Variants in CLMN observed in about 807,000 individuals in gnomAD.
The protein encoded by CLMN is calmin (calponin-like, transmembrane).
A neutral mutation model predicts 92.7 loss-of-function variants in CLMN; 57 were observed. That is an observed-to-expected ratio of 0.61 (90% CI 0.50 to 0.77). The LOEUF (loss-of-function observed/expected upper bound fraction) is 0.77. Ranked by LOEUF, CLMN falls within the 30% of genes least tolerant of loss-of-function variation. The pLI, the probability that CLMN is intolerant of heterozygous loss-of-function variation, is 0.00. For missense variants in CLMN, 1,158 were observed against 1,237.5 expected, an observed-to-expected ratio of 0.94 and a Z score of 0.96; for synonymous variants, 466 against 470.6, an observed-to-expected ratio of 0.99 and a Z score of 0.13.
At chr14:95,255,278 C>G (rs531052348) in intron 1 of CLMN, among the ~76,000 whole-genome samples, 128 of 152,278 alleles carry the variant, frequency 8.4e-4, no homozygotes, top group Non-Finnish European at 1.6e-3. Flanking sequence ...GTAGTTCCCC[C>G]CATCTGCAGT....
intron 1 of CLMN, among the ~76,000 whole-genome samples, chr14:95,273,347 C>G (rs953217645): frequency 6.6e-6 from 1 of 152,204 alleles, no homozygotes; most frequent in African/African-American, 2.4e-5. Flanking sequence ...CGCCCCACTC[C>G]AGAGGCCACA....
At chr14:95,258,637 G>GGT (rs1899115122) in intron 1 of CLMN, among the ~76,000 whole-genome samples, 1 of 149,196 alleles carries the variant, frequency 6.7e-6, no homozygotes, top group Non-Finnish European at 1.5e-5. Context: ...TGTGGTGTGT[G>GGT]GTGTGTGTGT....
chr14:95,298,918 T>G (rs916149950), intron 1 of CLMN, among the ~76,000 whole-genome samples: 1 of 152,178 alleles, frequency 6.6e-6, no homozygotes, highest in African/African-American at 2.4e-5. Flanking sequence ...TTGCAAGCAA[T>G]ATTTTACAAG....
chr14:95,270,975 G>C (rs764042555), intron 1 of CLMN, among the ~76,000 whole-genome samples: 22 of 152,178 alleles, frequency 1.4e-4, no homozygotes, highest in Non-Finnish European at 2.8e-4. Flanking sequence ...GAGAACACTT[G>C]TAATGGTCTC....
intron 1 of CLMN, among the ~76,000 whole-genome samples, chr14:95,247,070 A>T (rs931389779): frequency 2.6e-5 from 4 of 152,084 alleles, no homozygotes; most frequent in Admixed American, 6.5e-5. Context: ...GGCCAGAACC[A>T]TGACAGCCTG....
Position 95,204,520 on chromosome 14 carries a change from A to G in CLMN, c.886-57T>C. 6 of 1,439,146 alleles carry G rather than the reference A, an allele frequency of 4.2e-6. No individual in the cohort carries two copies. In the South Asian group the frequency reaches 8.5e-5, roughly 20 times the overall value. 89.1% of individuals were successfully genotyped at this position (1,439,146 alleles called of 1,614,324 possible). A position where few individuals can be genotyped will look rare whatever the true frequency, so the allele number is the denominator to read the frequency against. ...AAAAAACAAAAGAACAACAACAAAA[A>G]AAAGCACAGAGCAACATGAGTAAGA... On this transcript the variant is annotated intron_variant, in intron 8 of 12. Coordinates refer to ENST00000298912, the MANE Select transcript of CLMN (RefSeq NM_024734.4).
intron 1 of CLMN, among the ~76,000 whole-genome samples, chr14:95,245,746 G>A (rs1358914296): frequency 6.6e-6 from 1 of 151,354 alleles, no homozygotes; most frequent in South Asian, 2.1e-4. Flanking sequence ...ATGGATGGGT[G>A]GATGGATGGA....
chr14:95,212,054 T>C (rs1897214960), intron 6 of CLMN, among the ~76,000 whole-genome samples: 1 of 152,166 alleles, frequency 6.6e-6, no homozygotes, highest in Non-Finnish European at 1.5e-5. Context: ...CATTTAATGG[T>C]GGTTCACATT....
At position 95,204,079 on chromosome 14, in the gene CLMN, T is replaced by C. The variant is rs773171826; in HGVS notation, c.1270A>G (p.Lys424Glu). The change falls in exon 9 of 13, where the codon AAA becomes GAA. Residue 424 changes from lysine to glutamate, a missense_variant. By Grantham distance (56) the Lys-to-Glu change is moderately conservative. Coordinates refer to ENST00000298912, the MANE Select transcript of CLMN (RefSeq NM_024734.4). ...NGRSNSLPIK[K>E]TVHFEADTYK... is the part of the protein sequence containing the mutation. ...GTGTCAGCCTCAAAGTGAACTGTTT[T>C]CTTGATCGGCAAAGAGTTGGACCTC... 7.2e-5 allele frequency: 117 copies of C among 1,614,088 alleles called. No individual in the cohort carries two copies. Among genetic ancestry groups the C allele is most frequent in the Non-Finnish European group, 9.8e-5 (116 of 1,180,046 alleles).
intron 1 of CLMN, among the ~76,000 whole-genome samples, chr14:95,270,075 G>C (rs1288599472): frequency 1.3e-5 from 2 of 152,226 alleles, no homozygotes; most frequent in African/African-American, 4.8e-5. Context: ...GCCAGGGTCA[G>C]ACAGCCAGGG....
chr14:95,262,059 G>A (rs1232801337), intron 1 of CLMN, among the ~76,000 whole-genome samples: 3 of 152,234 alleles, frequency 2.0e-5, no homozygotes, highest in Admixed American at 6.5e-5. Flanking sequence ...CAGCGTCCAC[G>A]CCTGTATTCC....
intron 1 of CLMN, among the ~76,000 whole-genome samples, chr14:95,306,142 G>T (rs1412286126): frequency 6.6e-6 from 1 of 152,124 alleles, no homozygotes; most frequent in African/African-American, 2.4e-5. Flanking sequence ...GGCAGTCCAG[G>T]TGACAGCTGG....
At position 95,215,781 on chromosome 14, in the gene CLMN, T is replaced by C. The variant is rs754661605; in HGVS notation, c.325-48A>G. The C allele has an allele frequency of 7.3e-6, 10 of 1,361,948 alleles. No homozygotes were observed. The African/African-American group carries it at 1.0e-4, about 14-fold the overall frequency. The allele number at this position is 1,361,948 out of a possible 1,614,324, so 84.4% of individuals were successfully genotyped here. A position where few individuals can be genotyped will look rare whatever the true frequency, so the allele number is the denominator to read the frequency against. ...CTTAAAGCGAGGTGTCCAGGGAGGA[T>C]AACATATGTTATTTTCTGGTTCTCT... On this transcript the variant is annotated intron_variant, in intron 4 of 12. Transcript: ENST00000298912.
rs138693016 is a variant in CLMN, at chr14:95,290,988, C to T, written c.82+28723G>A. On this transcript the variant is annotated intron_variant, in intron 1 of 12. Transcript: ENST00000298912. Reference sequence around the variant, plus strand: ...GACACAAACACGTGCTTGCCAGGAACGCAGCTGCTGATGCTGCTATGATTA... The same window carrying T: ...GACACAAACACGTGCTTGCCAGGAATGCAGCTGCTGATGCTGCTATGATTA... Among the ~76,000 whole-genome samples, 6 of 152,334 alleles carry T rather than the reference C, an allele frequency of 3.9e-5. No individual in the cohort carries two copies. In the East Asian group the frequency reaches 7.7e-4, roughly 20 times the overall value.
chr14:95,231,793 A>T (rs1210782180), intron 1 of CLMN, among the ~76,000 whole-genome samples: 1 of 152,188 alleles, frequency 6.6e-6, no homozygotes, highest in Admixed American at 6.5e-5. Flanking sequence ...AGCTATTCCA[A>T]TCATGGCAAA....
chr14:95,269,582 C>T (rs1461573231), intron 1 of CLMN, among the ~76,000 whole-genome samples: 1 of 152,198 alleles, frequency 6.6e-6, no homozygotes, highest in Admixed American at 6.5e-5. Context: ...TCTCAATGGA[C>T]TCCTGCTTGA....
chr14:95,242,456 C>T (rs1415066425), intron 1 of CLMN, among the ~76,000 whole-genome samples: 3 of 151,946 alleles, frequency 2.0e-5, no homozygotes, highest in African/African-American at 7.3e-5. Flanking sequence ...GATGGGGTTT[C>T]ACCATGTTGG....
chr14:95,196,632 T>C lies in CLMN; in HGVS notation c.2574A>G (p.Glu858=). ...ANPLEENVTK[E]SISSKKKEKR... is the part of the protein sequence containing the mutation. ...TTTCCTTTTTTTTACTACTGATTGA[T>C]TCTTTCGTTACATTTTCTTCTAGGG... The change falls in exon 10 of 13, where the codon GAA becomes GAG. Residue 858 remains glutamate (E), a synonymous_variant. Coordinates refer to ENST00000298912, the MANE Select transcript of CLMN (RefSeq NM_024734.4). 6.2e-7 allele frequency: 1 copy of C among 1,614,186 alleles called. No individual in the cohort carries two copies. The highest frequency in any genetic ancestry group is 8.5e-7 in the Non-Finnish European group (1 of 1,180,040).
At chr14:95,254,698 T>G (rs546445467) in intron 1 of CLMN, among the ~76,000 whole-genome samples, 151 of 152,266 alleles carry the variant, frequency 9.9e-4, no homozygotes, top group African/African-American at 3.5e-3. Context: ...CAAGATAGGA[T>G]CTTTTTAAAA....
Sources: allele counts gnomAD v4.1 joint callset (sites outside exome capture counted in the v4.1 genomes callset), GRCh38; gene constraint gnomAD v4.1.1; transcripts MANE v1.5; gene names NCBI Gene and HGNC (gene_info 2026-07-23, HGNC 2026-07-21).